DTL: variants seen among roughly 807,000 people sequenced by gnomAD.
DTL encodes the protein denticleless E3 ubiquitin protein ligase adapter, also known as denticleless protein homolog.
In DTL, 46 loss-of-function variants were observed where a neutral mutation model predicts 87.0. That is an observed-to-expected ratio of 0.53 (90% confidence interval 0.42 to 0.68). The LOEUF is 0.68. DTL is among the 30% of genes least tolerant of loss of function. The pLI is 0.00. For missense variants in DTL, 737 were observed against 869.4 expected, an observed-to-expected ratio of 0.85 and a Z score of 1.91; for synonymous variants, 308 against 311.2, an observed-to-expected ratio of 0.99 and a Z score of 0.11.
intron 1 of DTL, among the ~76,000 whole-genome samples, chr1:212,041,266 G>A (rs1667632225): frequency 6.6e-6 from 1 of 152,146 alleles, no homozygotes; most frequent in African/African-American, 2.4e-5. Flanking sequence ...ATTATAGGCA[G>A]TGAGGCAGAG....
At chr1:212,058,836 C>T (rs1182724958) in intron 5 of DTL, among the ~76,000 whole-genome samples, 1 of 151,908 alleles carries the variant, frequency 6.6e-6, no homozygotes, top group East Asian at 1.9e-4. Context: ...TAAATAAAAT[C>T]AGAAATGAAA....
rs751826465 is a variant in DTL at position 212,047,173 on chromosome 1, C to T, written c.300C>T (p.Ala100=). The stretch of plus-strand genomic sequence containing the variant: ...TAGAATGGATGGCTCACTGGAATGC[C>T]GTCTTTGACCTGGCCTGGGTTCCTG... ...CFKEWMAHWN[A]VFDLAWVPGE... is the part of the protein sequence containing the mutation. The change falls in exon 4 of 15, where the codon GCC becomes GCT. Residue 100 remains alanine, a synonymous_variant. Transcript: ENST00000366991. The T allele has an allele frequency of 1.1e-5, 18 of 1,613,978 alleles. No individual in the cohort carries two copies. The highest frequency in any genetic ancestry group is 2.2e-5 in the East Asian group (1 of 44,898).
At chr1:212,044,892 T>G (rs894844221) in intron 3 of DTL, 134 bp downstream of exon 3, 8 of 598,298 alleles carry the variant, frequency 1.3e-5, no homozygotes, top group Non-Finnish European at 2.4e-5. Context: ...CTGGGTAGTT[T>G]ATATAGAAAA....
chr1:212,041,482 C>A (rs1667640137), intron 1 of DTL, among the ~76,000 whole-genome samples: 1 of 127,708 alleles, frequency 7.8e-6, no homozygotes, highest in Non-Finnish European at 1.5e-5. Context: ...TACTTGTGAC[C>A]TCAACATAAC....
rs528618063 is a variant in DTL at position 212,037,559 on chromosome 1, C to T, written c.52+1617C>T. Among the ~76,000 whole-genome samples, 7 of 152,326 alleles carry T rather than the reference C, an allele frequency of 4.6e-5. No homozygotes were observed. The East Asian group carries it at 1.3e-3, about 29-fold the overall frequency. On this transcript the variant is annotated intron_variant, in intron 1 of 14. Transcript: ENST00000366991. ...ACTAAACTAACTCTACCATAGGCTACTTGATATAAATAAGAATTGTTTCAG... is the reference window on the plus strand; with the variant it reads ...ACTAAACTAACTCTACCATAGGCTATTTGATATAAATAAGAATTGTTTCAG...
chr1:212,073,104 A>G (rs1480166549), intron 11 of DTL, among the ~76,000 whole-genome samples: 3 of 152,186 alleles, frequency 2.0e-5, no homozygotes, highest in Non-Finnish European at 4.4e-5. Context: ...CAGTAGTTCT[A>G]AAGTGTCTAC....
rs1668157397 is a variant in DTL at position 212,055,854 on chromosome 1, C to A, written c.461-7030C>A. 2.6e-5 allele frequency among the ~76,000 whole-genome samples: 4 copies of A among 152,176 alleles called. No individual in the cohort carries two copies. The South Asian group carries it at 8.3e-4, about 31-fold the overall frequency. On this transcript the variant is annotated intron_variant, in intron 5 of 14. Coordinates refer to ENST00000366991, the MANE Select transcript of DTL (RefSeq NM_016448.4). ...ACACGCCACTACCCAAGCACACCCT[C>A]TGGGAGGCCTGAGGATTGCCCAGTT...
chr1:212,066,869 G>T lies in DTL; in HGVS notation c.697G>T (p.Ala233Ser). The change falls in exon 8 of 15, where the codon GCA becomes TCA. Residue 233 changes from alanine (A) to serine (S), a missense_variant. Ala to Ser is a moderately conservative substitution (Grantham distance 99, BLOSUM62 1). Coordinates refer to ENST00000366991, the MANE Select transcript of DTL (RefSeq NM_016448.4). The part of the protein sequence containing the change: ...LFQDENTLVS[A>S]GAVDGIIKVW... ...TCAAGACGAGAATACCTTAGTCTCAGCAGGAGCTGTGGATGGGTAAGAGTC... is the reference window on the plus strand; with the variant it reads ...TCAAGACGAGAATACCTTAGTCTCATCAGGAGCTGTGGATGGGTAAGAGTC... 6.2e-7 allele frequency: 1 copy of T among 1,613,852 alleles called. No homozygotes were observed. Among genetic ancestry groups the T allele is most frequent in the Non-Finnish European group, 8.5e-7 (1 of 1,179,784 alleles).
At position 212,101,050 on chromosome 1, in the gene DTL, C is replaced by A. The variant is rs1301306134; in HGVS notation, c.2060C>A (p.Ser687Tyr). Residue 687 changes from serine (S) to tyrosine (Y), a missense_variant, in exon 14 of 15, where the codon TCC becomes TAC. Transcript: ENST00000366991. Reference protein sequence around the residue: ...PRSPSSQTPNSRRQSGKKLPS... With the variant: ...PRSPSSQTPNYRRQSGKKLPS... ...AGTCCGTCATCCCAGACACCCAATT[C>A]CAGGAGACAGAGCGGAAAGAAATTG... 6.8e-6 allele frequency: 11 copies of A among 1,612,310 alleles called. No homozygotes were observed. Among genetic ancestry groups the A allele is most frequent in the Non-Finnish European group, 9.3e-6 (11 of 1,179,198 alleles).
At chr1:212,102,204 A>C (rs1655644424) in intron 14 of DTL, among the ~76,000 whole-genome samples, 1 of 152,236 alleles carries the variant, frequency 6.6e-6, no homozygotes, top group Non-Finnish European at 1.5e-5. Context: ...TGCTGTAGAA[A>C]GTGGAGAAAA....
At chr1:212,070,520 G>T (rs553330245) in intron 10 of DTL, among the ~76,000 whole-genome samples, 1 of 152,114 alleles carries the variant, frequency 6.6e-6, no homozygotes, top group African/African-American at 2.4e-5. Context: ...TGAGGTAGGA[G>T]GATTGTTTGA....
At chr1:212,066,442 G>A (rs1257832413) in intron 7 of DTL, among the ~76,000 whole-genome samples, 2 of 152,114 alleles carry the variant, frequency 1.3e-5, no homozygotes, top group Admixed American at 1.3e-4. Context: ...ACTCCTATAT[G>A]ATAATCTAGG....
At chr1:212,070,908 G>T (rs938854840) in intron 10 of DTL, among the ~76,000 whole-genome samples, 1 of 152,118 alleles carries the variant, frequency 6.6e-6, no homozygotes, top group African/African-American at 2.4e-5. Flanking sequence ...CCAGCAGAGG[G>T]CAATAAATAC....
intron 5 of DTL, among the ~76,000 whole-genome samples, chr1:212,047,676 C>T (rs1301127611): frequency 6.6e-6 from 1 of 152,174 alleles, no homozygotes; most frequent in African/African-American, 2.4e-5. Context: ...GCTGGGACTA[C>T]AGGCGCACAT....
At chr1:212,080,197 C>T (rs1029434658) in intron 12 of DTL, among the ~76,000 whole-genome samples, 5 of 152,120 alleles carry the variant, frequency 3.3e-5, no homozygotes, top group African/African-American at 1.2e-4. Context: ...ATTACTTTAG[C>T]AATGTGGCAC....
In DTL at chr1:212,089,580, T is replaced by C. The variant is rs1028939249; in HGVS notation, c.1261+8830T>C. Among the ~76,000 whole-genome samples, 5 of 152,208 alleles carry C rather than the reference T, an allele frequency of 3.3e-5. No individual in the cohort carries two copies. The South Asian group carries it at 6.2e-4, about 19-fold the overall frequency. On this transcript the variant is annotated intron_variant, in intron 13 of 14. Coordinates refer to ENST00000366991, the MANE Select transcript of DTL (RefSeq NM_016448.4). ...CTCTTCCCCTCTGTACTGGTTGAATTTTTTTACCATTAACTTTCATACTGT... is the reference window on the plus strand; with the variant it reads ...CTCTTCCCCTCTGTACTGGTTGAATCTTTTTACCATTAACTTTCATACTGT...
intron 13 of DTL, among the ~76,000 whole-genome samples, chr1:212,083,924 A>G (rs1036534724): frequency 2.6e-5 from 4 of 152,154 alleles, no homozygotes; most frequent in African/African-American, 7.2e-5. Context: ...TTACTCTTAT[A>G]TTCTCTCAGT....
intron 13 of DTL, among the ~76,000 whole-genome samples, chr1:212,097,801 T>C (rs1655494214): frequency 1.3e-5 from 2 of 152,184 alleles, no homozygotes; most frequent in African/African-American, 4.8e-5. Flanking sequence ...GAACCTTGTT[T>C]TGTCATATTA....
Position 212,038,788 on chromosome 1 carries a change from G to A in DTL, c.52+2846G>A, listed in dbSNP as rs944122471. On this transcript the variant is annotated intron_variant, in intron 1 of 14. Transcript: ENST00000366991. ...TGTATTTTTAAATTGATATCTAAAA[G>A]TTTTTATTATAAACTTAAACAAATG... 2.0e-5 allele frequency among the ~76,000 whole-genome samples: 3 copies of A among 152,188 alleles called. No individual in the cohort carries two copies. The East Asian group carries it at 5.8e-4, about 29-fold the overall frequency.
Sources: gnomAD v4.1 joint callset for allele counts (sites outside exome capture counted in the v4.1 genomes callset) on GRCh38, gnomAD v4.1.1 for gene constraint, MANE v1.5 for transcripts, NCBI Gene and HGNC (gene_info 2026-07-23, HGNC 2026-07-21) for gene names.